Variants in RTN4 observed in about 807,000 individuals in gnomAD.
RTN4 encodes reticulon 4, also known as reticulon-4.
RTN4 carries 32 observed loss-of-function variants against 90.4 expected under a neutral mutation model. The ratio of observed to expected loss-of-function variants is 0.35; its 90% CI spans 0.27 to 0.48. The LOEUF (loss-of-function observed/expected upper bound fraction) is 0.48. Among genes scored for constraint, RTN4 ranks in the 20% least tolerant of loss-of-function variants. The probability of loss-of-function intolerance (pLI) is 0.99; values close to 1 mark genes in which losing one functional copy is unlikely to be tolerated. For synonymous variants in RTN4, 629 were observed against 552.5 expected (o/e 1.14, Z -1.94); for missense variants, 1,706 against 1,430.2 (o/e 1.19, Z -3.11).
chr2:55,113,479 G>T (rs116560108), upstream of RTN4, among the ~76,000 whole-genome samples: 459 of 152,300 alleles, frequency 3.0e-3, 2 homozygotes, highest in Middle Eastern at 0.014. Flanking sequence ...GAAAGCTTCT[G>T]TCTGTCTCTC....
chr2:55,127,599 C>T, the RTN4 span, among the ~76,000 whole-genome samples: 1 of 152,200 alleles, frequency 6.6e-6, no homozygotes, highest in African/African-American at 2.4e-5. Flanking sequence ...CGTCATCCAT[C>T]CTCATAATAC....
chr2:55,045,769 G>A (rs1180817901), intron 1 of RTN4, among the ~76,000 whole-genome samples: 3 of 152,194 alleles, frequency 2.0e-5, no homozygotes, highest in Admixed American at 6.5e-5. Flanking sequence ...TTGGCATTCA[G>A]TATCTTTCAG....
In RTN4 at chr2:55,026,572, ATTC is replaced by A. The variant is rs768829418; in HGVS notation, c.1524_1526del (p.Lys508del). The A allele has an allele frequency of 7.4e-6, 11 of 1,477,472 alleles. No individual in the cohort carries two copies. The highest frequency in any genetic ancestry group is 1.0e-5 in the Non-Finnish European group (11 of 1,063,578). The allele number at this position is 1,477,472 out of a possible 1,614,324, so 91.5% of individuals were successfully genotyped here. A position where few individuals can be genotyped will look rare whatever the true frequency, so the allele number is the denominator to read the frequency against. ...AAGGGTTTGATGTTTTGGTGCTAGT[ATTC>A]TTCTCTGTTACTATTTGGGCCTTCT... On this transcript the variant is annotated inframe_deletion, in exon 3 of 9. Coordinates refer to ENST00000337526, the MANE Select transcript of RTN4 (RefSeq NM_020532.5).
intron 2 of RTN4, among the ~76,000 whole-genome samples, chr2:55,066,608 C>T (rs546228875): frequency 2.0e-5 from 3 of 152,114 alleles, no homozygotes; most frequent in East Asian, 3.9e-4. Flanking sequence ...GCAGGAGAGT[C>T]GCTTGAACCC....
rs200016041 is a variant in RTN4 at position 55,025,903 on chromosome 2, A to G, written c.2196T>C (p.Ser732=). 15 of 1,613,810 alleles carry G rather than the reference A, an allele frequency of 9.3e-6. No individual in the cohort carries two copies. The highest frequency in any genetic ancestry group is 1.3e-5 in the Non-Finnish European group (15 of 1,179,870). The stretch of plus-strand genomic sequence containing the variant: ...CAGGTGAGGAATCTTCAACTAGCTC[A>G]GAATGATCAGGCACTGGCTGTTCAA... ...AKVEQPVPDH[S]ELVEDSSPDS... Residue 732 remains serine (S), a synonymous_variant, in exon 3 of 9, where the codon TCT becomes TCC. Transcript: ENST00000337526.
chr2:55,064,881 C>A (rs1351843473), intron 2 of RTN4, among the ~76,000 whole-genome samples: 2 of 152,122 alleles, frequency 1.3e-5, no homozygotes, highest in Non-Finnish European at 2.9e-5. Context: ...CCTAACATAA[C>A]TTTCCTTTTT....
At chr2:55,040,728 A>G (rs553641917) in intron 1 of RTN4, among the ~76,000 whole-genome samples, 135 of 152,028 alleles carry the variant, frequency 8.9e-4, no homozygotes, top group Non-Finnish European at 3.2e-4. Flanking sequence ...TCTGCTACCT[A>G]TACCTCTCAT....
chr2:55,061,064 G>T (rs1004159479), intron 2 of RTN4, among the ~76,000 whole-genome samples: 1 of 105,028 alleles, frequency 9.5e-6, no homozygotes, highest in African/African-American at 4.1e-5. Context: ...TTAAAAATAA[G>T]AATTTTTTTT....
In RTN4 at chr2:54,972,212, A is replaced by ATACT. The variant is rs1180246570; in HGVS notation, c.*940_*943dup. On this transcript the variant is annotated 3_prime_UTR_variant, in exon 9 of 9. Coordinates refer to ENST00000337526, the MANE Select transcript of RTN4 (RefSeq NM_020532.5). ...TATTTTAAGTCTATAAGCTTTATTG[A>ATACT]TACTTTGCTTTTACAGTTCACAATG... 2 of 152,648 alleles carry ATACT rather than the reference A, an allele frequency of 1.3e-5. No homozygotes were observed. Among genetic ancestry groups the ATACT allele is most frequent in the African/African-American group, 4.8e-5 (2 of 41,460 alleles). The allele number at this position is 152,648 out of a possible 1,614,324, so 9.5% of individuals were successfully genotyped here.
chr2:54,978,323 G>A (rs934774883), intron 5 of RTN4, among the ~76,000 whole-genome samples: 2 of 151,786 alleles, frequency 1.3e-5, no homozygotes, highest in South Asian at 2.1e-4. Flanking sequence ...CCAGCTACTT[G>A]GGAGGCTGAA....
intron 5 of RTN4, among the ~76,000 whole-genome samples, chr2:54,980,853 T>C (rs186428636): frequency 6.6e-6 from 1 of 152,354 alleles, no homozygotes; most frequent in Admixed American, 6.5e-5. Context: ...ACACATGTTC[T>C]ACCCTAGAAG....
At chr2:54,978,258 C>A (rs1030296702) in intron 5 of RTN4, among the ~76,000 whole-genome samples, 1 of 151,900 alleles carries the variant, frequency 6.6e-6, no homozygotes, top group African/African-American at 2.4e-5. Flanking sequence ...GGCAAAACCC[C>A]ATCTCTTCTA....
chr2:54,974,217 G>A, intron 6 of RTN4: 1 of 251,622 alleles, frequency 4.0e-6, no homozygotes, highest in Non-Finnish European at 7.7e-6. Flanking sequence ...GCTGTCTTCA[G>A]CAACTAAGGT....
chr2:55,043,203 G>C (rs1373300497), intron 1 of RTN4, among the ~76,000 whole-genome samples: 1 of 152,144 alleles, frequency 6.6e-6, no homozygotes, highest in Non-Finnish European at 1.5e-5. Context: ...TACCATTACA[G>C]TTCCCATCCC....
intron 1 of RTN4, chr2:55,049,294 C>T (rs1186945082): frequency 4.8e-6 from 2 of 414,964 alleles, no homozygotes; most frequent in South Asian, 8.8e-5. Flanking sequence ...AGCAAAACTG[C>T]ACCTTTTCCA....
chr2:54,986,769 T>G (rs982162520), intron 4 of RTN4, among the ~76,000 whole-genome samples: 3 of 152,138 alleles, frequency 2.0e-5, no homozygotes, highest in Admixed American at 2.0e-4. Flanking sequence ...GGAAGTTTCT[T>G]TTTGTGCGAT....
chr2:55,000,239 C>G (rs13387751), intron 3 of RTN4, among the ~76,000 whole-genome samples: 101,487 of 151,992 alleles, frequency 0.67, 34,933 homozygotes, highest in African/African-American at 0.85. Flanking sequence ...CAAGTCTCAG[C>G]CTGATGGGTA....
intron 3 of RTN4, chr2:55,010,142 C>G (rs200176883): frequency 6.8e-6 from 11 of 1,613,134 alleles, no homozygotes; most frequent in Non-Finnish European, 9.3e-6. Context: ...ATCTGCTTTG[C>G]AGCTCCAATT....
At chr2:55,093,796 T>C (rs1329806412) in intron 1 of RTN4, among the ~76,000 whole-genome samples, 2 of 152,234 alleles carry the variant, frequency 1.3e-5, no homozygotes, top group Non-Finnish European at 2.9e-5. Flanking sequence ...AACTCCCTGT[T>C]AAGGTCTGGC....
Sources: allele counts gnomAD v4.1 joint callset (sites outside exome capture counted in the v4.1 genomes callset), GRCh38; gene constraint gnomAD v4.1.1; transcripts MANE v1.5; gene names NCBI Gene and HGNC (gene_info 2026-07-23, HGNC 2026-07-21).